CFAP92: variants seen among roughly 807,000 people sequenced by gnomAD.
The protein encoded by CFAP92 is uncharacterized protein CFAP92.
Under a neutral mutation model 106.3 loss-of-function variants are expected in CFAP92, and 86 were observed. That is an observed-to-expected ratio of 0.81 (90% CI 0.68 to 0.97). The LOEUF (loss-of-function observed/expected upper bound fraction) is 0.97, where lower values mean the gene tolerates loss of function less well. Among genes scored for constraint, CFAP92 ranks in the 50% least tolerant of loss-of-function variants. The pLI, the probability that CFAP92 is intolerant of heterozygous loss-of-function variation, is 0.00. For missense variants in CFAP92, 1,204 were observed against 1,283.8 expected (o/e 0.94, Z 0.95); for synonymous variants, 477 against 506.4 (o/e 0.94, Z 0.78).
chr3:129,022,135 T>C, the CFAP92 span, among the ~76,000 whole-genome samples: 1 of 152,194 alleles, frequency 6.6e-6, no homozygotes, highest in Non-Finnish European at 1.5e-5. Flanking sequence ...GTCATATCTA[T>C]ATAGAACCTG....
intron 12 of CFAP92, among the ~76,000 whole-genome samples, chr3:128,921,210 T>C (rs1937253341): frequency 6.6e-6 from 1 of 151,930 alleles, no homozygotes; most frequent in African/African-American, 2.4e-5. Context: ...TGGCGCCCAA[T>C]ATGAGGCAAC....
Position 128,977,477 on chromosome 3 carries a change from T to C in CFAP92, c.809-411A>G, listed in dbSNP as rs527971984. Among the ~76,000 whole-genome samples the C allele has an allele frequency of 4.6e-5, 7 of 152,368 alleles. No homozygotes were observed. In the East Asian group the frequency reaches 1.2e-3, roughly 25 times the overall value. ...ACTACAATGTTACATAGATTGCTCC[T>C]CGTGATGAAATTGTTTTCCCTGTTT... is the stretch of plus-strand genomic sequence containing the variant. On this transcript the variant is annotated intron_variant, in intron 5 of 15. Coordinates refer to ENST00000645291, the MANE Select transcript of CFAP92 (RefSeq NM_001394090.1).
intron 6 of CFAP92, among the ~76,000 whole-genome samples, chr3:128,976,710 A>G (rs1048457477): frequency 6.6e-6 from 1 of 152,234 alleles, no homozygotes; most frequent in African/African-American, 2.4e-5. Flanking sequence ...TTAATTACTC[A>G]GTCACCTTTT....
At chr3:128,996,052 T>C (rs1300331249), upstream of CFAP92, among the ~76,000 whole-genome samples, 1 of 152,232 alleles carries the variant, frequency 6.6e-6, no homozygotes, top group Non-Finnish European at 1.5e-5. Flanking sequence ...AAATTCCATC[T>C]ACCTCTGCCC....
Position 128,945,966 on chromosome 3 carries a change from T to C in CFAP92, c.1363A>G (p.Met455Val). ...AACTGGTACTTGCAGTACACAGGCA[T>C]GCACAGCCTCTACGAGAGAGCAGGG... ...VPIQELERLC[M>V]PVYCKYQFHK... Residue 455 changes from methionine (M) to valine (V), a missense_variant, in exon 10 of 16, where the codon ATG becomes GTG. Coordinates refer to ENST00000645291, the MANE Select transcript of CFAP92 (RefSeq NM_001394090.1). The C allele has an allele frequency of 2.1e-6, 3 of 1,438,470 alleles. No individual in the cohort carries two copies. The highest frequency in any genetic ancestry group is 1.5e-5 in the South Asian group (1 of 67,358). 89.1% of individuals were successfully genotyped at this position (1,438,470 alleles called of 1,614,324 possible). A position where few individuals can be genotyped will look rare whatever the true frequency, so the allele number is the denominator to read the frequency against.
intron 10 of CFAP92, among the ~76,000 whole-genome samples, chr3:128,937,439 A>C (rs2107714004): frequency 6.6e-6 from 1 of 152,236 alleles, no homozygotes; most frequent in East Asian, 1.9e-4. Context: ...TCTCTACTAA[A>C]AATACAAAAA....
intron 1 of CFAP92, 199 bp from the exon 2 acceptor site, chr3:128,993,535 A>G (rs11916893): frequency 0.13 from 75,894 of 593,180 alleles, 5,444 homozygotes; most frequent in South Asian, 0.19. Flanking sequence ...TGAAGGAACA[A>G]CAGATAAGGG....
At chr3:129,002,615 C>T in exon 1 of CFAP92, 1 of 478,376 alleles carries the variant, frequency 2.1e-6, no homozygotes, top group South Asian at 4.3e-5. Context: ...CGTCTTGCCC[C>T]TTTAACCTAG....
At chr3:129,014,583 G>A in the CFAP92 span, among the ~76,000 whole-genome samples, 3 of 152,128 alleles carry the variant, frequency 2.0e-5, no homozygotes, top group Non-Finnish European at 4.4e-5. The surrounding 1 kb of genome is among the most constrained non-coding windows in gnomAD (Gnocchi z 4.3). Flanking sequence ...AGGTCCCATC[G>A]CCAAATAAGA....
chr3:128,997,027 T>C (rs1306543850), upstream of CFAP92, among the ~76,000 whole-genome samples: 1 of 152,232 alleles, frequency 6.6e-6, no homozygotes, highest in Non-Finnish European at 1.5e-5. Context: ...CTCTGCTACA[T>C]GCCATTAACC....
In CFAP92 at chr3:128,970,506, A is replaced by T. The variant is rs149527607; in HGVS notation, c.1168+781T>A. 110 of 152,316 alleles carry T rather than the reference A, an allele frequency of 7.2e-4. 1 individual carries two copies. Among genetic ancestry groups the T allele is most frequent in the African/African-American group, 2.6e-3 (109 of 41,564 alleles). 9.4% of individuals were successfully genotyped at this position (152,316 alleles called of 1,614,324 possible). ...ACGAACAAAGTCTGAATTTTCTCTA[A>T]AAAGAAAAAAAAAGGGGGGGAGTTC... On this transcript the variant is annotated intron_variant, in intron 8 of 15. Transcript: ENST00000645291.
chr3:128,960,215 C>A (rs1467765243), intron 9 of CFAP92, among the ~76,000 whole-genome samples: 1 of 152,232 alleles, frequency 6.6e-6, no homozygotes, highest in Non-Finnish European at 1.5e-5. Context: ...TCACACAAAG[C>A]CTGTTTGGTG....
intron 4 of CFAP92, among the ~76,000 whole-genome samples, chr3:128,985,907 C>T (rs1943825569): frequency 6.6e-6 from 1 of 152,208 alleles, no homozygotes; most frequent in African/African-American, 2.4e-5. Flanking sequence ...ATTGTCACAA[C>T]TGGCAGGCTA....
chr3:128,931,511 ATATATG>A (rs1938382595), intron 12 of CFAP92, among the ~76,000 whole-genome samples: 1 of 122,640 alleles, frequency 8.2e-6, no homozygotes, highest in South Asian at 2.3e-4. Flanking sequence ...ATATATGTAT[ATATATG>A]TATGTATGTG....
At chr3:128,953,253 C>T (rs1268029125) in intron 9 of CFAP92, among the ~76,000 whole-genome samples, 3 of 152,168 alleles carry the variant, frequency 2.0e-5, no homozygotes, top group East Asian at 3.9e-4. Flanking sequence ...CGGTGGCTCA[C>T]GCCTGTAATC....
chr3:128,930,372 C>T (rs1938223056), intron 12 of CFAP92, among the ~76,000 whole-genome samples: 2 of 151,926 alleles, frequency 1.3e-5, no homozygotes, highest in South Asian at 2.1e-4. Flanking sequence ...AGGATGGTCT[C>T]GATCTCCTGA....
chr3:129,003,109 A>G (rs1346514838), upstream of CFAP92, among the ~76,000 whole-genome samples: 1 of 152,026 alleles, frequency 6.6e-6, no homozygotes. Context: ...ACATTATATG[A>G]CCCCGCCTTA....
chr3:128,924,601 C>T (rs777703843), intron 12 of CFAP92, among the ~76,000 whole-genome samples: 3 of 143,300 alleles, frequency 2.1e-5, no homozygotes, highest in African/African-American at 5.5e-5. Context: ...TGTACCACCA[C>T]GTCCGGCTCA....
At chr3:128,971,237 T>C (rs1017003755) in intron 8 of CFAP92, 50 bp downstream of exon 8, 3 of 1,612,766 alleles carry the variant, frequency 1.9e-6, no homozygotes, top group Admixed American at 1.7e-5. Context: ...ATGGCCGTTC[T>C]GGCCACAAGA....
Sources: allele counts gnomAD v4.1 joint callset (sites outside exome capture counted in the v4.1 genomes callset), GRCh38; gene constraint gnomAD v4.1.1; non-coding constraint Gnocchi (gnomAD v3.1); transcripts MANE v1.5; gene names NCBI Gene and HGNC (gene_info 2026-07-23, HGNC 2026-07-21).